Variants in ESRRG observed in about 807,000 individuals in gnomAD.
ESRRG encodes estrogen-related receptor gamma.
Under a neutral mutation model 44.0 loss-of-function variants are expected in ESRRG, and 13 were observed. That is an observed-to-expected ratio of 0.30 (90% confidence interval 0.19 to 0.47). ESRRG has a LOEUF of 0.47. Ranked by LOEUF, ESRRG falls within the 20% of genes least tolerant of loss-of-function variation. The pLI, the probability that ESRRG is intolerant of heterozygous loss-of-function variation, is 1.00. For missense variants in ESRRG, 395 were observed against 580.6 expected, an observed-to-expected ratio of 0.68 and a Z score of 3.29; for synonymous variants, 215 against 214.6, an observed-to-expected ratio of 1.00 and a Z score of -0.02.
intron 2 of ESRRG, among the ~76,000 whole-genome samples, chr1:216,883,130 C>A (rs2096469466): frequency 6.6e-6 from 1 of 152,094 alleles, no homozygotes; most frequent in Non-Finnish European, 1.5e-5. Flanking sequence ...GTAATCCCAG[C>A]ACTTTGGGAG....
chr1:216,937,263 C>T (rs375621204), intron 2 of ESRRG, among the ~76,000 whole-genome samples: 4 of 151,894 alleles, frequency 2.6e-5, no homozygotes, highest in East Asian at 1.9e-4. Flanking sequence ...AAAAGATTGC[C>T]GTGATATTCT....
At chr1:216,881,321 C>A (rs1403370306) in intron 2 of ESRRG, among the ~76,000 whole-genome samples, 1 of 152,110 alleles carries the variant, frequency 6.6e-6, no homozygotes, top group Non-Finnish European at 1.5e-5. Flanking sequence ...AATATAGCGT[C>A]CTCATCTGAA....
intron 2 of ESRRG, among the ~76,000 whole-genome samples, chr1:216,660,327 T>C (rs2071960470): frequency 6.6e-6 from 1 of 152,180 alleles, no homozygotes; most frequent in Non-Finnish European, 1.5e-5. Flanking sequence ...TATCAATACC[T>C]AAGAACAGGA....
chr1:216,854,384 GA>G (rs1011805548), intron 2 of ESRRG, among the ~76,000 whole-genome samples: 3 of 93,360 alleles, frequency 3.2e-5, no homozygotes, highest in Admixed American at 2.1e-4. Context: ...AAAAAGCAAA[GA>G]AAAAAAAGAA....
At chr1:216,927,755 G>A (rs899702365) in intron 2 of ESRRG, among the ~76,000 whole-genome samples, 6 of 152,144 alleles carry the variant, frequency 3.9e-5, no homozygotes, top group South Asian at 2.1e-4. Flanking sequence ...TGCTGGCACC[G>A]CGGGACGGGG....
At chr1:216,768,809 T>C (rs979658165) in intron 2 of ESRRG, among the ~76,000 whole-genome samples, 4 of 152,092 alleles carry the variant, frequency 2.6e-5, no homozygotes, top group African/African-American at 2.4e-5. Context: ...GTAAATATTA[T>C]ATAAATAAAT....
rs200079643 is a variant in ESRRG at position 216,516,664 on chromosome 1, C to G, written c.1132+2488G>C. 4.9e-3 allele frequency among the ~76,000 whole-genome samples: 529 copies of G among 106,954 alleles called. 2 individuals are homozygous for G. The highest frequency in any genetic ancestry group is 0.019 in the African/African-American group (496 of 26,134). The allele number at this position is 106,954 out of a possible 152,430, so 70.2% of individuals were successfully genotyped here. On this transcript the variant is annotated intron_variant, in intron 6 of 6. Transcript: ENST00000408911. ...ACACACACACACACACACACACACACACACAGAGAGAGAGAGAGAAACGAC... is the reference window on the plus strand; with the variant it reads ...ACACACACACACACACACACACACAGACACAGAGAGAGAGAGAGAAACGAC...
intron 2 of ESRRG, among the ~76,000 whole-genome samples, chr1:216,784,266 T>C (rs374063628): frequency 3.9e-5 from 6 of 152,176 alleles, no homozygotes; most frequent in Admixed American, 3.3e-4. Context: ...GTTTAAAATA[T>C]CCACGATGTT....
upstream of ESRRG, among the ~76,000 whole-genome samples, chr1:216,724,601 T>G (rs2087102653): frequency 2.6e-5 from 4 of 152,116 alleles, no homozygotes; most frequent in South Asian, 8.3e-4. Context: ...CATCACACAG[T>G]CTGGTCACTA....
rs574236027 is a variant in ESRRG at position 217,124,081 on chromosome 1, AACAATATGTGC to A, written c.-230+13575_-230+13585del. On this transcript the variant is annotated intron_variant, in intron 1 of 8. Coordinates refer to the ESRRG transcript ENST00000366940. ...CACTTTCCAGATGTTGGTTTGATAT[AACAATATGTGC>A]ACTCACCTTCCCTGACTACCTCTGA... 1.0e-3 allele frequency among the ~76,000 whole-genome samples: 154 copies of A among 152,326 alleles called. 1 individual carries two copies. The South Asian group carries it at 0.017, about 17-fold the overall frequency.
chr1:216,618,829 A>G (rs2061775222), intron 3 of ESRRG, among the ~76,000 whole-genome samples: 1 of 152,242 alleles, frequency 6.6e-6, no homozygotes. Context: ...GAAATTCTCA[A>G]AGAGAGATAT....
At chr1:216,744,544 C>T (rs555232236) in intron 2 of ESRRG, among the ~76,000 whole-genome samples, 2 of 152,070 alleles carry the variant, frequency 1.3e-5, no homozygotes, top group South Asian at 2.1e-4. Context: ...AAACGTCCAA[C>T]GATGCCAAAA....
At chr1:216,709,076 G>A (rs2083029476) in intron 1 of ESRRG, among the ~76,000 whole-genome samples, 1 of 152,036 alleles carries the variant, frequency 6.6e-6, no homozygotes, top group East Asian at 1.9e-4. Context: ...AGAGTGGGGG[G>A]CTAAGGGAGG....
At chr1:216,553,906 A>G (rs911800606) in intron 5 of ESRRG, among the ~76,000 whole-genome samples, 1 of 152,112 alleles carries the variant, frequency 6.6e-6, no homozygotes, top group African/African-American at 2.4e-5. Context: ...CTAAGAGAAA[A>G]AAAGTTTTCT....
chr1:217,132,161 AT>A (rs1159117378), intron 1 of ESRRG, among the ~76,000 whole-genome samples: 1 of 152,052 alleles, frequency 6.6e-6, no homozygotes, highest in African/African-American at 2.4e-5. Context: ...CAGTAATTTT[AT>A]TTTTTTAATT....
intron 3 of ESRRG, among the ~76,000 whole-genome samples, chr1:216,618,568 G>T (rs1188081486): frequency 6.6e-6 from 1 of 152,078 alleles, no homozygotes; most frequent in Non-Finnish European, 1.5e-5. Context: ...ACATTATGTG[G>T]CTTACTTTCA....
At chr1:216,829,861 C>T (rs1438637567) in intron 2 of ESRRG, among the ~76,000 whole-genome samples, 1 of 152,006 alleles carries the variant, frequency 6.6e-6, no homozygotes, top group Admixed American at 6.6e-5. Context: ...GCCTGAAATG[C>T]CACGTTCTTA....
intron 2 of ESRRG, among the ~76,000 whole-genome samples, chr1:216,913,111 C>CAAAAA (rs36067159): frequency 3.2e-5 from 2 of 62,768 alleles, no homozygotes; most frequent in East Asian, 3.7e-4. Context: ...GACTCTGTCT[C>CAAAAA]AAAAAAAAAA....
intron 1 of ESRRG, among the ~76,000 whole-genome samples, chr1:217,009,803 T>C (rs2078284091): frequency 6.6e-6 from 1 of 151,000 alleles, no homozygotes; most frequent in South Asian, 2.1e-4. Flanking sequence ...CCTCCTGGGT[T>C]CAAATGATTC....
Sources: allele counts gnomAD v4.1 joint callset (sites outside exome capture counted in the v4.1 genomes callset), GRCh38; gene constraint gnomAD v4.1.1; transcripts MANE v1.5; gene names NCBI Gene and HGNC (gene_info 2026-07-23, HGNC 2026-07-21).